Variants in MREG observed in about 807,000 individuals in gnomAD.
The protein encoded by MREG is dilute suppressor protein homolog.
A neutral mutation model predicts 28.5 loss-of-function variants in MREG; 31 were observed. The observed-to-expected ratio is 1.09, with a 90% confidence interval of 0.82 to 1.47. The LOEUF (loss-of-function observed/expected upper bound fraction) is 1.47. Ranked by LOEUF, MREG falls within the 40% of genes most tolerant of loss-of-function variation. The pLI is 0.00. For missense variants in MREG, 256 were observed against 257.4 expected (o/e 0.99, Z 0.04); for synonymous variants, 106 against 95.2 (o/e 1.11, Z -0.66).
intron 2 of MREG, among the ~76,000 whole-genome samples, chr2:215,987,462 G>T (rs1039910339): frequency 1.3e-5 from 2 of 151,986 alleles, no homozygotes; most frequent in Non-Finnish European, 2.9e-5. Context: ...GGTCAGGCTA[G>T]TCTCAAACTC....
chr2:215,991,461 C>A (rs1490021618), intron 2 of MREG, among the ~76,000 whole-genome samples: 1 of 151,966 alleles, frequency 6.6e-6, no homozygotes, highest in Non-Finnish European at 1.5e-5. Context: ...AATTGACACC[C>A]TAACATCACA....
intron 2 of MREG, among the ~76,000 whole-genome samples, chr2:215,976,134 G>A (rs1426948079): frequency 2.6e-5 from 4 of 151,614 alleles, no homozygotes; most frequent in Non-Finnish European, 4.4e-5. Flanking sequence ...GGGACAGTAG[G>A]ATGTCATTTC....
At chr2:215,951,963 C>T (rs1341020853) in intron 2 of MREG, among the ~76,000 whole-genome samples, 1 of 152,228 alleles carries the variant, frequency 6.6e-6, no homozygotes, top group Non-Finnish European at 1.5e-5. Flanking sequence ...CTGTTCTACT[C>T]TGCTTCTACG....
At chr2:216,011,137 T>C (rs1054425396) in intron 1 of MREG, among the ~76,000 whole-genome samples, 6 of 151,968 alleles carry the variant, frequency 3.9e-5, no homozygotes, top group African/African-American at 7.2e-5. Flanking sequence ...TGCTTAACTT[T>C]GTGAATGTAC....
intron 1 of MREG, among the ~76,000 whole-genome samples, chr2:216,030,756 T>A (rs1405143372): frequency 6.7e-6 from 1 of 149,722 alleles, no homozygotes; most frequent in African/African-American, 2.5e-5. Flanking sequence ...AGAGAGAAGG[T>A]TTCACCATGT....
chr2:215,981,081 ATAACT>A (rs1488465871), intron 2 of MREG, among the ~76,000 whole-genome samples: 1 of 152,256 alleles, frequency 6.6e-6, no homozygotes, highest in Admixed American at 6.5e-5. Context: ...AACAAATTAA[ATAACT>A]TAAATAAATT....
intron 1 of MREG, among the ~76,000 whole-genome samples, chr2:216,025,663 C>G (rs1470600212): frequency 6.6e-6 from 1 of 152,236 alleles, no homozygotes; most frequent in African/African-American, 2.4e-5. Flanking sequence ...GGAACATGGC[C>G]TTAGCCGAGG....
intron 1 of MREG, among the ~76,000 whole-genome samples, chr2:216,025,163 A>G (rs150090385): frequency 1.3e-5 from 2 of 152,332 alleles, no homozygotes; most frequent in African/African-American, 4.8e-5. Context: ...CTATGGCAAC[A>G]TAGGAGAATG....
In MREG at chr2:215,945,613, G is replaced by A. The variant is rs773363112; in HGVS notation, c.468C>T (p.Phe156=). ...LLKLAEETNI[F]PTSWELSERY... ...TCTCTGAGAGCTCCCAACTTGTTGG[G>A]AAAATATTGGTTTCTTCAGCCAGTT... is the stretch of plus-strand genomic sequence containing the variant. Residue 156 remains phenylalanine (F), a synonymous_variant, in exon 4 of 5, where the codon TTC becomes TTT. Transcript: ENST00000263268. 1 of 1,613,914 alleles carries A rather than the reference G, an allele frequency of 6.2e-7. No individual in the cohort carries two copies. The highest frequency in any genetic ancestry group is 1.3e-5 in the African/African-American group (1 of 75,038).
chr2:215,988,832 T>C (rs1163720728), intron 2 of MREG, among the ~76,000 whole-genome samples: 1 of 152,212 alleles, frequency 6.6e-6, no homozygotes, highest in Non-Finnish European at 1.5e-5. Flanking sequence ...ATGGCAAGAC[T>C]GCCTCTCTAG....
intron 1 of MREG, among the ~76,000 whole-genome samples, chr2:216,019,798 TC>T (rs141856983): frequency 0.021 from 3,193 of 152,186 alleles, 124 homozygotes; most frequent in African/African-American, 0.073. Flanking sequence ...AGTCACCGCT[TC>T]CAGCCTCAAA....
chr2:215,941,868 A>G (rs566325208), downstream of MREG: 4 of 152,266 alleles, frequency 2.6e-5, no homozygotes, highest in Non-Finnish European at 5.9e-5. Context: ...AATTGTATCC[A>G]TTTGTCTTCT....
At chr2:215,959,976 G>A (rs1353166665) in intron 2 of MREG, among the ~76,000 whole-genome samples, 1 of 144,406 alleles carries the variant, frequency 6.9e-6, no homozygotes, top group Non-Finnish European at 1.5e-5. Flanking sequence ...TTTTTTTTGA[G>A]ACGGAGTCTC....
intron 1 of MREG, among the ~76,000 whole-genome samples, chr2:216,022,181 G>T (rs1042861493): frequency 6.6e-6 from 1 of 152,148 alleles, no homozygotes; most frequent in Admixed American, 6.5e-5. Flanking sequence ...AACTTGGGAG[G>T]TGGAGGTTGC....
intron 2 of MREG, among the ~76,000 whole-genome samples, chr2:215,949,466 CAGG>C (rs1692429732): frequency 6.6e-6 from 1 of 151,122 alleles, no homozygotes; most frequent in African/African-American, 2.4e-5. Flanking sequence ...GAGGCTGAGG[CAGG>C]AGAATTGCTT....
At chr2:215,995,030 A>G (rs1693830799) in intron 2 of MREG, among the ~76,000 whole-genome samples, 1 of 152,218 alleles carries the variant, frequency 6.6e-6, no homozygotes. Context: ...GTAATACAGG[A>G]GTGTAAGAAT....
chr2:215,990,013 A>G (rs542525993), intron 2 of MREG, among the ~76,000 whole-genome samples: 2 of 152,110 alleles, frequency 1.3e-5, no homozygotes, highest in African/African-American at 2.4e-5. Context: ...TTAGCAAGAC[A>G]GGCCAACATT....
intron 1 of MREG, among the ~76,000 whole-genome samples, chr2:215,997,620 T>C (rs1460825593): frequency 6.6e-6 from 1 of 152,140 alleles, no homozygotes; most frequent in Non-Finnish European, 1.5e-5. Context: ...AATGATCACA[T>C]GACTATAAAA....
chr2:215,995,152 A>C (rs1461326378), intron 2 of MREG, among the ~76,000 whole-genome samples: 5 of 152,196 alleles, frequency 3.3e-5, no homozygotes, highest in Non-Finnish European at 5.9e-5. Flanking sequence ...ACTTGCCTTC[A>C]GCATTGCCCA....
Sources: gnomAD v4.1 joint callset for allele counts (sites outside exome capture counted in the v4.1 genomes callset) on GRCh38, gnomAD v4.1.1 for gene constraint, MANE v1.5 for transcripts, NCBI Gene and HGNC (gene_info 2026-07-23, HGNC 2026-07-21) for gene names.